The following AKAP19 variants were observed in gnomAD, a reference collection of about 807,000 sequenced individuals.
AKAP19 encodes the protein small A-kinase anchoring protein.
chr2:190,100,035 T>G, the AKAP19 span, among the ~76,000 whole-genome samples: 1 of 151,934 alleles, frequency 6.6e-6, no homozygotes, highest in Non-Finnish European at 1.5e-5. Flanking sequence ...AACACTGGAG[T>G]TGGTTCTACT....
At chr2:190,199,985 T>C in the AKAP19 span, 1 of 1,614,106 alleles carries the variant, frequency 6.2e-7, no homozygotes, top group South Asian at 1.1e-5. Context: ...GCTTCTCCAG[T>C]TAATGTCAAA....
the AKAP19 span, chr2:190,180,406 C>T: frequency 1.1e-6 from 1 of 923,426 alleles, no homozygotes; most frequent in Non-Finnish European, 1.3e-6. The surrounding 1 kb of genome is among the most constrained non-coding windows in gnomAD (Gnocchi z 6.8). Context: ...CTCACCAGGG[C>T]GGAGCTCAGG....
At chr2:190,077,486 A>T in the AKAP19 span, among the ~76,000 whole-genome samples, 2 of 152,180 alleles carry the variant, frequency 1.3e-5, no homozygotes, top group African/African-American at 4.8e-5. Flanking sequence ...AAATTTTTTA[A>T]AAAATGTTAA....
the AKAP19 span, among the ~76,000 whole-genome samples, chr2:190,084,239 C>T: frequency 6.6e-6 from 1 of 151,870 alleles, no homozygotes; most frequent in Non-Finnish European, 1.5e-5. Context: ...ATTACAGGCG[C>T]CCACCACCAT....
the AKAP19 span, among the ~76,000 whole-genome samples, chr2:190,132,304 G>A: frequency 9.2e-5 from 14 of 152,060 alleles, no homozygotes; most frequent in Admixed American, 5.9e-4. Context: ...ACTAAAATTT[G>A]TATGGAACCA....
chr2:190,185,310 C>T, the AKAP19 span, among the ~76,000 whole-genome samples: 1 of 152,164 alleles, frequency 6.6e-6, no homozygotes, highest in Admixed American at 6.5e-5. Flanking sequence ...GTGAATCAAA[C>T]TGATAAAAGA....
the AKAP19 span, among the ~76,000 whole-genome samples, chr2:190,125,080 C>A: frequency 6.6e-6 from 1 of 152,036 alleles, no homozygotes; most frequent in Non-Finnish European, 1.5e-5. Flanking sequence ...CCTGAAGGAC[C>A]TTCTGGAGGC....
chr2:189,882,716 C>A, the AKAP19 span, among the ~76,000 whole-genome samples: 1 of 152,010 alleles, frequency 6.6e-6, no homozygotes, highest in African/African-American at 2.4e-5. Context: ...GTTTACATTG[C>A]CAGGGTGAAA....
the AKAP19 span, among the ~76,000 whole-genome samples, chr2:189,922,697 T>C: frequency 1.3e-5 from 2 of 152,246 alleles, no homozygotes; most frequent in Non-Finnish European, 2.9e-5. Flanking sequence ...AATATCTTTT[T>C]TACCTATTAC....
the AKAP19 span, among the ~76,000 whole-genome samples, chr2:189,885,612 G>C: frequency 1.3e-5 from 2 of 152,154 alleles, no homozygotes; most frequent in African/African-American, 2.4e-5. Flanking sequence ...TGAAGAGATA[G>C]ATAAGCAGAA....
At chr2:190,086,913 T>G in the AKAP19 span, among the ~76,000 whole-genome samples, 4 of 152,282 alleles carry the variant, frequency 2.6e-5, 1 homozygote, top group African/African-American at 9.6e-5. Context: ...GACCTCAAAG[T>G]GGCTGATGTG....
the AKAP19 span, among the ~76,000 whole-genome samples, chr2:190,038,935 T>TTCTTCTTCTTCTTCTTCC: frequency 9.9e-5 from 14 of 141,676 alleles, no homozygotes; most frequent in South Asian, 4.4e-4. Context: ...CTTCTTCTTC[T>TTCTTCTTCTTCTTCTTCC]TCTTCTTCTT....
At chr2:190,092,718 G>A in the AKAP19 span, among the ~76,000 whole-genome samples, 1 of 152,128 alleles carries the variant, frequency 6.6e-6, no homozygotes, top group Non-Finnish European at 1.5e-5. Flanking sequence ...AAGTCTAACA[G>A]AAGTATTCAA....
chr2:190,045,510 T>A, the AKAP19 span, among the ~76,000 whole-genome samples: 7 of 152,098 alleles, frequency 4.6e-5, no homozygotes, highest in Non-Finnish European at 8.8e-5. Flanking sequence ...TTGGCCATGT[T>A]TTGGTAGAGC....
the AKAP19 span, among the ~76,000 whole-genome samples, chr2:190,177,337 C>T: frequency 6.6e-6 from 1 of 152,200 alleles, no homozygotes; most frequent in Non-Finnish European, 1.5e-5. This position sits in a 1 kb window ranked among gnomAD's most constrained non-coding sequence, Gnocchi z 4.6. Context: ...TACGTGAATT[C>T]TCTAGCCTCC....
the AKAP19 span, among the ~76,000 whole-genome samples, chr2:190,116,786 G>A: frequency 1.3e-5 from 2 of 152,128 alleles, no homozygotes; most frequent in Non-Finnish European, 2.9e-5. Context: ...AACTGGTTTT[G>A]ATTTATTCTT....
At chr2:190,189,421 T>C in the AKAP19 span, among the ~76,000 whole-genome samples, 1 of 152,236 alleles carries the variant, frequency 6.6e-6, no homozygotes, top group Non-Finnish European at 1.5e-5. Context: ...TATCTGCCTG[T>C]TTCATCTATT....
At chr2:189,961,557 AT>A in the AKAP19 span, among the ~76,000 whole-genome samples, 117 of 152,246 alleles carry the variant, frequency 7.7e-4, no homozygotes, top group African/African-American at 2.7e-3. Context: ...GGTCAAAATT[AT>A]GGTTTAATTT....
At chr2:190,133,113 C>T in the AKAP19 span, among the ~76,000 whole-genome samples, 2 of 151,660 alleles carry the variant, frequency 1.3e-5, no homozygotes, top group African/African-American at 4.8e-5. Flanking sequence ...TGGCGGGCGC[C>T]TGTAGTGCCA....
Sources: gnomAD v4.1 joint callset for allele counts (sites outside exome capture counted in the v4.1 genomes callset) on GRCh38, gnomAD v4.1.1 for gene constraint, Gnocchi (gnomAD v3.1) non-coding constraint, MANE v1.5 for transcripts, NCBI Gene and HGNC (gene_info 2026-07-23, HGNC 2026-07-21) for gene names.